REV1: variants seen among roughly 807,000 people sequenced by gnomAD.
REV1 encodes translesion synthesis protein REV1.
A neutral mutation model predicts 137.4 loss-of-function variants in REV1; 42 were observed. The observed-to-expected ratio is 0.31, with a 90% CI of 0.24 to 0.40. The LOEUF (loss-of-function observed/expected upper bound fraction) is 0.40. Ranked by LOEUF, REV1 falls within the 10% of genes least tolerant of loss-of-function variation. The probability of loss-of-function intolerance (pLI) is 1.00; values close to 1 mark genes in which losing one functional copy is unlikely to be tolerated. For synonymous variants in REV1, 524 were observed against 519.2 expected (o/e 1.01, Z -0.12); for missense variants, 1,282 against 1,490.1 (o/e 0.86, Z 2.30).
At chr2:99,474,094 T>C (rs1685710824) in intron 1 of REV1, among the ~76,000 whole-genome samples, 1 of 152,250 alleles carries the variant, frequency 6.6e-6, no homozygotes, top group African/African-American at 2.4e-5. Flanking sequence ...ACTGACACTT[T>C]ATATTTCCTT....
chr2:99,455,490 T>C (rs560170735), intron 3 of REV1, among the ~76,000 whole-genome samples: 2 of 152,258 alleles, frequency 1.3e-5, no homozygotes, highest in South Asian at 4.1e-4. Flanking sequence ...AAGTTTCAAA[T>C]GCTTAGGGAA....
chr2:99,412,859 C>G lies in REV1; in HGVS notation c.2044G>C (p.Glu682Gln). Residue 682 changes from glutamate (E) to glutamine (Q), a missense_variant, in exon 13 of 23, where the codon GAA becomes CAA. Coordinates refer to ENST00000258428, the MANE Select transcript of REV1 (RefSeq NM_016316.4). The stretch of plus-strand genomic sequence containing the variant: ...ATCTGACCTGTTTTGGGACCAAATT[C>G]TTTTTGGAGTTTTGCCATGGTCATA... The part of the protein sequence containing the change: ...QYMTMAKLQK[E>Q]FGPKTGQMLY... 1 of 1,614,106 alleles carries G rather than the reference C, an allele frequency of 6.2e-7. No individual in the cohort carries two copies. The highest frequency in any genetic ancestry group is 8.5e-7 in the Non-Finnish European group (1 of 1,179,976).
At chr2:99,469,838 G>T (rs1253060083) in intron 1 of REV1, among the ~76,000 whole-genome samples, 1 of 151,896 alleles carries the variant, frequency 6.6e-6, no homozygotes, top group African/African-American at 2.4e-5. Context: ...TTATCACCAG[G>T]AACATTCATT....
chr2:99,489,526 C>A (rs1417729235), intron 1 of REV1, among the ~76,000 whole-genome samples: 1 of 56 alleles, frequency 0.018, no homozygotes, highest in Non-Finnish European at 0.036. Flanking sequence ...GCGGGGCGGC[C>A]CATGGGGCTG....
intron 13 of REV1, among the ~76,000 whole-genome samples, chr2:99,411,411 CTTT>C (rs550532536): frequency 2.2e-5 from 3 of 138,640 alleles, no homozygotes; most frequent in Non-Finnish European, 3.1e-5. Flanking sequence ...CCTTTCTTTC[CTTT>C]TTTTTTTTTT....
intron 1 of REV1, among the ~76,000 whole-genome samples, chr2:99,489,539 G>A (rs1170398302): frequency 6.7e-6 from 1 of 148,514 alleles, no homozygotes; most frequent in Admixed American, 6.7e-5. Context: ...TGGGGCTGGC[G>A]GCGGCGCGGG....
chr2:99,464,775 T>C, intron 2 of REV1, 147 bp downstream of exon 2: 1 of 700,304 alleles, frequency 1.4e-6, no homozygotes, highest in East Asian at 2.6e-5. Context: ...ATAAACATCA[T>C]AAGGCTTTCA....
At chr2:99,454,238 A>C (rs1438172315) in intron 3 of REV1, among the ~76,000 whole-genome samples, 2 of 151,782 alleles carry the variant, frequency 1.3e-5, no homozygotes, top group Admixed American at 6.6e-5. Context: ...AAAAATCCAC[A>C]AAAAAACAAA....
Position 99,467,211 on chromosome 2 carries a change from G to A in REV1, c.-10-2226C>T, listed in dbSNP as rs372573851. 5.9e-5 allele frequency among the ~76,000 whole-genome samples: 9 copies of A among 151,958 alleles called. No homozygotes were observed. In the South Asian group the frequency reaches 1.9e-3, roughly 32 times the overall value. On this transcript the variant is annotated intron_variant, in intron 1 of 22. Coordinates refer to ENST00000258428, the MANE Select transcript of REV1 (RefSeq NM_016316.4). The stretch of plus-strand genomic sequence containing the variant: ...CCAATAAGAAAATTCCTTAATGATG[G>A]TTTAATGAGGCTAGAAGCATGAAAC...
intron 1 of REV1, among the ~76,000 whole-genome samples, chr2:99,489,227 C>T (rs947675860): frequency 1.3e-5 from 2 of 152,170 alleles, no homozygotes; most frequent in East Asian, 3.9e-4. Context: ...AAGGGAGCAA[C>T]AACCGCCTTC....
At chr2:99,446,553 GGC>G (rs1682237442) in intron 4 of REV1, among the ~76,000 whole-genome samples, 1 of 152,018 alleles carries the variant, frequency 6.6e-6, no homozygotes, top group African/African-American at 2.4e-5. Context: ...GGAGTGTACT[GGC>G]GTGATCTCGG....
At chr2:99,429,042 T>A (rs1318793278) in intron 9 of REV1, among the ~76,000 whole-genome samples, 2 of 151,584 alleles carry the variant, frequency 1.3e-5, no homozygotes, top group Non-Finnish European at 2.9e-5. Flanking sequence ...TCTGTTTCGA[T>A]TTGAAATTAT....
chr2:99,408,653 T>C (rs1289958132), intron 14 of REV1, among the ~76,000 whole-genome samples: 2 of 152,198 alleles, frequency 1.3e-5, no homozygotes, highest in African/African-American at 4.8e-5. Flanking sequence ...TAAGAACTCT[T>C]GAAGGAGGAC....
At chr2:99,428,275 C>T (rs1007346690) in intron 9 of REV1, among the ~76,000 whole-genome samples, 9 of 152,322 alleles carry the variant, frequency 5.9e-5, no homozygotes, top group African/African-American at 1.7e-4. Context: ...GGCCACCATT[C>T]ATTAACTTAG....
At position 99,410,839 on chromosome 2, in the gene REV1, C is replaced by T. The variant is rs992495726; in HGVS notation, c.2201G>A (p.Ser734Asn). 1.3e-6 allele frequency: 2 copies of T among 1,593,304 alleles called. No homozygotes were observed. The highest frequency in any genetic ancestry group is 1.7e-6 in the Non-Finnish European group (2 of 1,174,888). The change falls in exon 14 of 23, where the codon AGT (serine) becomes AAT (asparagine). Residue 734 changes from serine to asparagine, a missense_variant. Physicochemically the swap from Ser to Asn is conservative, Grantham distance 46. Transcript: ENST00000258428. The stretch of plus-strand genomic sequence containing the variant: ...TCTTCTTTGAATTTCTTCTGAAAGA[C>T]TCAGAAGAAAAGCTTCTGCCTCTTT... The part of the protein sequence containing the change: ...QPKEAEAFLL[S>N]LSEEIQRRLE...
At chr2:99,409,494 T>C (rs1676799130) in intron 14 of REV1, among the ~76,000 whole-genome samples, 1 of 152,170 alleles carries the variant, frequency 6.6e-6, no homozygotes, top group African/African-American at 2.4e-5. Flanking sequence ...CATCTTCATA[T>C]TGGTCACGAA....
chr2:99,440,719 T>C lies in REV1; in HGVS notation c.504-1409A>G, dbSNP rs28382876. Among the ~76,000 whole-genome samples the C allele has an allele frequency of 7.3e-3, 1,107 of 152,324 alleles. 14 individuals carry two copies. The highest frequency in any genetic ancestry group is 0.025 in the African/African-American group (1,039 of 41,570). ...GTCACAGATGAGCATTTCAAAGAAA[T>C]GTACAAAATGTACTGAATATACCCC... On this transcript the variant is annotated intron_variant, in intron 5 of 22. Transcript: ENST00000258428.
chr2:99,453,536 A>G (rs1451790233), intron 3 of REV1, among the ~76,000 whole-genome samples: 1 of 152,096 alleles, frequency 6.6e-6, no homozygotes. Context: ...CTTGTTGCCC[A>G]CCCTTCAGTA....
chr2:99,475,791 T>G (rs1253281822), intron 1 of REV1, among the ~76,000 whole-genome samples: 2 of 152,158 alleles, frequency 1.3e-5, no homozygotes, highest in East Asian at 3.9e-4. Context: ...AAGACCAGCC[T>G]GGTCAACATG....
Sources: gnomAD v4.1 joint callset for allele counts (sites outside exome capture counted in the v4.1 genomes callset) on GRCh38, gnomAD v4.1.1 for gene constraint, MANE v1.5 for transcripts, NCBI Gene and HGNC (gene_info 2026-07-23, HGNC 2026-07-21) for gene names.